PTPRD: variants seen among roughly 807,000 people sequenced by gnomAD.
The protein encoded by PTPRD is receptor-type tyrosine-protein phosphatase delta.
PTPRD carries 34 observed loss-of-function variants against 214.5 expected under a neutral mutation model. That is an observed-to-expected ratio of 0.16 (90% confidence interval 0.12 to 0.21). The LOEUF (loss-of-function observed/expected upper bound fraction) is 0.21, where lower values mean the gene tolerates loss of function less well. PTPRD is among the 10% of genes least tolerant of loss of function. PTPRD has a pLI of 1.00. For missense variants in PTPRD, 2,545 were observed against 2,398.7 expected (o/e 1.06, Z -1.27); for synonymous variants, 1,128 against 845.7 (o/e 1.33, Z -5.79).
intron 45 of PTPRD, among the ~76,000 whole-genome samples, chr9:8,318,189 C>G (rs952794368): frequency 6.6e-6 from 1 of 151,828 alleles, no homozygotes; most frequent in African/African-American, 2.4e-5. Flanking sequence ...AGTGGCAGGT[C>G]GAGTGAACAT....
chr9:8,449,072 G>T (rs1056086813), intron 34 of PTPRD, among the ~76,000 whole-genome samples: 5 of 152,126 alleles, frequency 3.3e-5, no homozygotes, highest in African/African-American at 1.2e-4. Context: ...TGTGCAGAAG[G>T]CCCCTCAGTA....
At chr9:9,485,785 G>A (rs1190634239) in intron 8 of PTPRD, among the ~76,000 whole-genome samples, 2 of 152,024 alleles carry the variant, frequency 1.3e-5, no homozygotes, top group Admixed American at 6.6e-5. Context: ...GGATTATTCT[G>A]TTAGCCATTC....
chr9:8,859,911 A>G (rs1411498343), intron 11 of PTPRD: 1 of 152,062 alleles, frequency 6.6e-6, no homozygotes, highest in Non-Finnish European at 1.5e-5. Flanking sequence ...ATTCTTGTGC[A>G]AGCCTTCAAA....
intron 9 of PTPRD, among the ~76,000 whole-genome samples, chr9:9,207,469 A>G (rs2099945585): frequency 6.6e-6 from 1 of 150,940 alleles, no homozygotes; most frequent in South Asian, 2.1e-4. Context: ...CAGTTCAAAG[A>G]AAAAAAAGCC....
intron 8 of PTPRD, among the ~76,000 whole-genome samples, chr9:9,444,310 G>A (rs192897749): frequency 2.7e-4 from 41 of 152,222 alleles, no homozygotes; most frequent in African/African-American, 9.6e-4. Flanking sequence ...ATGATAAAAT[G>A]AGTCCGATAA....
At chr9:10,496,589 C>G (rs1855854) in intron 2 of PTPRD, among the ~76,000 whole-genome samples, 38,117 of 150,866 alleles carry the variant, frequency 0.25, 5,103 homozygotes, top group Middle Eastern at 0.41. Context: ...ATTAGCCTTC[C>G]CTTTTCTCTG....
intron 42 of PTPRD, among the ~76,000 whole-genome samples, chr9:8,339,654 T>C (rs992386986): frequency 6.6e-6 from 1 of 152,120 alleles, no homozygotes; most frequent in African/African-American, 2.4e-5. Context: ...AGTTGGGCTT[T>C]AGCTGCACTT....
At chr9:8,511,664 C>T (rs564485414) in intron 21 of PTPRD, among the ~76,000 whole-genome samples, 109 of 151,872 alleles carry the variant, frequency 7.2e-4, no homozygotes, top group Middle Eastern at 3.4e-3. Context: ...TGACCATAAA[C>T]CAGATTTACA....
At chr9:9,735,868 T>C (rs2098283778) in intron 6 of PTPRD, among the ~76,000 whole-genome samples, 1 of 152,142 alleles carries the variant, frequency 6.6e-6, no homozygotes, top group Non-Finnish European at 1.5e-5. Flanking sequence ...TTGCGGTGCG[T>C]TATAAACCAC....
chr9:9,142,479 T>A (rs2099862138), intron 10 of PTPRD, among the ~76,000 whole-genome samples: 1 of 152,244 alleles, frequency 6.6e-6, no homozygotes, highest in Admixed American at 6.5e-5. Flanking sequence ...AAAATTAATT[T>A]ACTCCTTTGG....
At chr9:9,039,583 T>A (rs1199883444) in intron 10 of PTPRD, among the ~76,000 whole-genome samples, 2 of 152,106 alleles carry the variant, frequency 1.3e-5, no homozygotes, top group Non-Finnish European at 2.9e-5. Context: ...CAAGAGTTGA[T>A]CAGACACAGT....
intron 5 of PTPRD, among the ~76,000 whole-genome samples, chr9:9,885,404 A>G (rs2070468525): frequency 6.6e-6 from 1 of 152,084 alleles, no homozygotes; most frequent in Admixed American, 6.6e-5. Flanking sequence ...TGAGAATTTC[A>G]AGGACTTGCA....
At chr9:9,535,093 G>A (rs2076248010) in intron 8 of PTPRD, among the ~76,000 whole-genome samples, 1 of 152,014 alleles carries the variant, frequency 6.6e-6, no homozygotes, top group Non-Finnish European at 1.5e-5. Flanking sequence ...TTTCCTTTGA[G>A]TGGCTAATTT....
chr9:10,342,442 T>C (rs7871892), intron 2 of PTPRD, among the ~76,000 whole-genome samples: 1 of 151,986 alleles, frequency 6.6e-6, no homozygotes, highest in East Asian at 1.9e-4. Context: ...ATATGATAAA[T>C]GTATCAACAT....
chr9:10,254,577 C>A (rs2093078312), intron 3 of PTPRD, among the ~76,000 whole-genome samples: 1 of 152,124 alleles, frequency 6.6e-6, no homozygotes, highest in Admixed American at 6.6e-5. Context: ...AGGCTGTGCT[C>A]AGTGACAATC....
chr9:9,824,066 T>TGTGCA (rs2051787556), intron 5 of PTPRD, among the ~76,000 whole-genome samples: 1 of 151,992 alleles, frequency 6.6e-6, no homozygotes, highest in Non-Finnish European at 1.5e-5. Flanking sequence ...CACAAAATTA[T>TGTGCA]TAAAAATATT....
Position 9,954,307 on chromosome 9 carries a change from A to AC in PTPRD, c.-471-15698_-471-15697insG, listed in dbSNP as rs1461832948. Among the ~76,000 whole-genome samples the AC allele has an allele frequency of 3.4e-5, 5 of 146,358 alleles. No individual in the cohort carries two copies. The South Asian group carries it at 6.3e-4, about 18-fold the overall frequency. On this transcript the variant is annotated intron_variant, in intron 4 of 45. Transcript: ENST00000381196. ...GACTCTGTCTCAAAACAAAAAAAAA[A>AC]AAAAAAAAAAAAAAAAAGATCATTG...
chr9:8,342,407 C>G (rs76921715), intron 39 of PTPRD, among the ~76,000 whole-genome samples: 6,437 of 152,108 alleles, frequency 0.042, 461 homozygotes, highest in African/African-American at 0.15. Flanking sequence ...GTCCCATGTA[C>G]AAAACATAAA....
chr9:8,467,162 A>T (rs918002281), intron 31 of PTPRD, among the ~76,000 whole-genome samples: 3 of 152,018 alleles, frequency 2.0e-5, no homozygotes, highest in Non-Finnish European at 2.9e-5. Context: ...AAGTTTATTG[A>T]TGCAATTAAA....
Sources: allele counts gnomAD v4.1 joint callset (sites outside exome capture counted in the v4.1 genomes callset), GRCh38; gene constraint gnomAD v4.1.1; transcripts MANE v1.5; gene names NCBI Gene and HGNC (gene_info 2026-07-23, HGNC 2026-07-21).